The following RAD51B variants were observed in gnomAD, a reference collection of about 807,000 sequenced individuals.
RAD51B encodes DNA repair protein RAD51 homolog 2.
RAD51B carries 38 observed loss-of-function variants against 42.2 expected under a neutral mutation model. That is an observed-to-expected ratio of 0.90 (90% confidence interval 0.70 to 1.18). The LOEUF (loss-of-function observed/expected upper bound fraction) is 1.18, where lower values mean the gene tolerates loss of function less well. Ranked by LOEUF, RAD51B falls within the 50% of genes most tolerant of loss-of-function variation. The pLI is 0.00. For missense variants in RAD51B, 373 were observed against 400.7 expected (o/e 0.93, Z 0.59); for synonymous variants, 154 against 145.2 (o/e 1.06, Z -0.43).
chr14:68,536,476 C>T (rs1425782824), intron 10 of RAD51B, among the ~76,000 whole-genome samples: 1 of 152,200 alleles, frequency 6.6e-6, no homozygotes, highest in African/African-American at 2.4e-5. Context: ...CTACATTGGT[C>T]TAAATGGAAG....
intron 7 of RAD51B, among the ~76,000 whole-genome samples, chr14:68,228,117 A>G (rs1170650577): frequency 6.6e-6 from 1 of 152,146 alleles, no homozygotes; most frequent in Non-Finnish European, 1.5e-5. Context: ...ATTACAAGCT[A>G]GTAAGAGACA....
At chr14:68,222,155 G>GA (rs1289954999) in intron 7 of RAD51B, among the ~76,000 whole-genome samples, 2 of 152,204 alleles carry the variant, frequency 1.3e-5, no homozygotes, top group Non-Finnish European at 2.9e-5. Flanking sequence ...ACTAAAAGTA[G>GA]ATCTACCATT....
At chr14:68,378,716 T>C (rs2083420968) in intron 8 of RAD51B, among the ~76,000 whole-genome samples, 1 of 152,050 alleles carries the variant, frequency 6.6e-6, no homozygotes, top group Admixed American at 6.6e-5. Flanking sequence ...TCAATCCACA[T>C]TGGTTGAATC....
chr14:68,221,985 C>T (rs1631742), intron 7 of RAD51B, among the ~76,000 whole-genome samples: 26,596 of 152,068 alleles, frequency 0.17, 2,482 homozygotes, highest in Middle Eastern at 0.36. Flanking sequence ...AAAACCACGA[C>T]GTGATACCAC....
intron 7 of RAD51B, among the ~76,000 whole-genome samples, chr14:68,121,402 C>T (rs2140632745): frequency 6.6e-6 from 1 of 152,242 alleles, no homozygotes; most frequent in Middle Eastern, 3.4e-3. Flanking sequence ...GTTATTCCTC[C>T]TTGTTGAGGA....
chr14:67,876,515 T>C (rs2042733033), intron 5 of RAD51B, among the ~76,000 whole-genome samples: 1 of 152,216 alleles, frequency 6.6e-6, no homozygotes, highest in Non-Finnish European at 1.5e-5. Flanking sequence ...CTTTCCAGAA[T>C]TGGAATCTTT....
intron 7 of RAD51B, among the ~76,000 whole-genome samples, chr14:67,929,047 A>G (rs898099327): frequency 6.6e-6 from 1 of 151,884 alleles, no homozygotes; most frequent in African/African-American, 2.4e-5. Flanking sequence ...TATCTTTTCC[A>G]ATGATCAACG....
chr14:68,613,610 C>T (rs1395364516), downstream of RAD51B, among the ~76,000 whole-genome samples: 5 of 151,932 alleles, frequency 3.3e-5, no homozygotes, highest in African/African-American at 7.3e-5. Context: ...CCCACCACCA[C>T]ACCCGGCTAG....
intron 10 of RAD51B, among the ~76,000 whole-genome samples, chr14:68,510,252 T>C (rs1408491483): frequency 6.6e-6 from 1 of 152,214 alleles, no homozygotes; most frequent in East Asian, 1.9e-4. Flanking sequence ...CTCTGATTCA[T>C]GCAGATTAAA....
Position 68,219,863 on chromosome 14 carries a change from A to G in RAD51B, c.757-72021A>G, listed in dbSNP as rs560092655. Among the ~76,000 whole-genome samples, 12 of 152,356 alleles carry G rather than the reference A, an allele frequency of 7.9e-5. No individual in the cohort carries two copies. The South Asian group carries it at 2.5e-3, about 32-fold the overall frequency. On this transcript the variant is annotated intron_variant, in intron 7 of 10. Coordinates refer to ENST00000471583, the MANE Select transcript of RAD51B (RefSeq NM_133510.4). ...TCTCTGAATTGCCAGAATAATAACT[A>G]TAATAATTCAGAAAGTGAATTATTA...
At chr14:67,863,042 ATC>A (rs2042212997) in intron 4 of RAD51B, among the ~76,000 whole-genome samples, 1 of 151,818 alleles carries the variant, frequency 6.6e-6, no homozygotes, top group Non-Finnish European at 1.5e-5. Context: ...CTCTTTACTG[ATC>A]TCTCATAATC....
intron 7 of RAD51B, among the ~76,000 whole-genome samples, chr14:68,141,808 CCTTT>C (rs1283466367): frequency 5.3e-5 from 8 of 152,168 alleles, no homozygotes; most frequent in African/African-American, 1.7e-4. Flanking sequence ...AAGTAGGACT[CCTTT>C]CTTTTAACCT....
At chr14:68,335,314 G>A (rs66508345) in intron 8 of RAD51B, among the ~76,000 whole-genome samples, 6,669 of 29,880 alleles carry the variant, frequency 0.22, 612 homozygotes, top group Non-Finnish European at 0.25. Context: ...AAAAAAAAAA[G>A]AAAAGAAAAA....
At chr14:68,456,886 T>C (rs1201425540) in intron 9 of RAD51B, among the ~76,000 whole-genome samples, 2 of 41,404 alleles carry the variant, frequency 4.8e-5, no homozygotes, top group East Asian at 4.7e-4. Flanking sequence ...TTTTTTTTTT[T>C]TTTTTTTTTT....
At chr14:68,548,271 G>A (rs756925621) in intron 10 of RAD51B, among the ~76,000 whole-genome samples, 4 of 152,126 alleles carry the variant, frequency 2.6e-5, no homozygotes, top group Admixed American at 6.5e-5. Context: ...TCACTCTCCC[G>A]CTGTGGCTCA....
At chr14:68,650,443 G>A (rs1161472825) in intron 10 of RAD51B, among the ~76,000 whole-genome samples, 1 of 152,204 alleles carries the variant, frequency 6.6e-6, no homozygotes, top group Non-Finnish European at 1.5e-5. Flanking sequence ...GTACCAGCCT[G>A]ACACATAGGT....
intron 8 of RAD51B, among the ~76,000 whole-genome samples, chr14:68,320,028 A>C (rs548793923): frequency 6.6e-6 from 1 of 152,316 alleles, no homozygotes; most frequent in East Asian, 1.9e-4. Context: ...AAGCATTCAA[A>C]TCAATCTGAC....
At chr14:67,937,647 G>A (rs928612992) in intron 7 of RAD51B, among the ~76,000 whole-genome samples, 2 of 152,166 alleles carry the variant, frequency 1.3e-5, no homozygotes, top group Non-Finnish European at 2.9e-5. Flanking sequence ...CTCCCCATTA[G>A]GAATTGAGCA....
intron 4 of RAD51B, among the ~76,000 whole-genome samples, chr14:67,845,855 T>C (rs74549786): frequency 0.037 from 5,632 of 152,240 alleles, 310 homozygotes; most frequent in African/African-American, 0.12. Flanking sequence ...TTTAACATTT[T>C]TTTCCTTCAT....
Sources: gnomAD v4.1 joint callset for allele counts (sites outside exome capture counted in the v4.1 genomes callset) on GRCh38, gnomAD v4.1.1 for gene constraint, MANE v1.5 for transcripts, NCBI Gene and HGNC (gene_info 2026-07-23, HGNC 2026-07-21) for gene names.